The following GRIP1 variants were observed in gnomAD, a reference collection of about 807,000 sequenced individuals.
GRIP1 encodes the protein glutamate receptor interacting protein 1, also known as glutamate receptor-interacting protein 1.
A neutral mutation model predicts 129.9 loss-of-function variants in GRIP1; 45 were observed. The observed-to-expected ratio is 0.35, with a 90% CI of 0.27 to 0.44. The LOEUF (loss-of-function observed/expected upper bound fraction) is 0.44, where lower values mean the gene tolerates loss of function less well. Ranked by LOEUF, GRIP1 falls within the 20% of genes least tolerant of loss-of-function variation. The probability of loss-of-function intolerance (pLI) is 1.00; values close to 1 mark genes in which losing one functional copy is unlikely to be tolerated. For missense variants in GRIP1, 1,196 were observed against 1,396.8 expected, an observed-to-expected ratio of 0.86 and a Z score of 2.29; for synonymous variants, 530 against 520.8, an observed-to-expected ratio of 1.02 and a Z score of -0.24.
At chr12:66,689,998 A>C (rs2034923137) in intron 1 of GRIP1, among the ~76,000 whole-genome samples, 1 of 151,938 alleles carries the variant, frequency 6.6e-6, no homozygotes, top group Admixed American at 6.6e-5. Flanking sequence ...GGCTTGCTGT[A>C]GCTTCAGCCT....
At chr12:66,464,905 T>C (rs2059239370) in intron 8 of GRIP1, among the ~76,000 whole-genome samples, 1 of 151,772 alleles carries the variant, frequency 6.6e-6, no homozygotes, top group Non-Finnish European at 1.5e-5. Context: ...ATATTTAAAA[T>C]TGCACACATG....
chr12:66,604,181 G>A (rs547562228), intron 1 of GRIP1, among the ~76,000 whole-genome samples: 9 of 152,226 alleles, frequency 5.9e-5, no homozygotes, highest in African/African-American at 1.4e-4. Context: ...CGATGGCCCC[G>A]GAGCATCTGG....
intron 1 of GRIP1, among the ~76,000 whole-genome samples, chr12:66,993,445 G>A (rs1483872087): frequency 2.0e-5 from 3 of 151,218 alleles, no homozygotes; most frequent in African/African-American, 4.9e-5. Flanking sequence ...CAAAATTTAC[G>A]AACTTTAGGC....
At chr12:66,509,648 G>A (rs1458053614) in intron 7 of GRIP1, among the ~76,000 whole-genome samples, 1 of 152,118 alleles carries the variant, frequency 6.6e-6, no homozygotes, top group Non-Finnish European at 1.5e-5. Flanking sequence ...TCCTTTGCAG[G>A]AACATGGATG....
intron 1 of GRIP1, among the ~76,000 whole-genome samples, chr12:67,018,343 T>C (rs772501500): frequency 5.3e-5 from 8 of 152,180 alleles, no homozygotes; most frequent in Non-Finnish European, 7.4e-5. Context: ...CCCTTGTGTC[T>C]GCGACTCCCA....
At chr12:66,803,071 A>T (rs1242951263) in intron 1 of GRIP1, among the ~76,000 whole-genome samples, 1 of 152,224 alleles carries the variant, frequency 6.6e-6, no homozygotes, top group Non-Finnish European at 1.5e-5. Context: ...AGGAATTCTC[A>T]TGGCTTTCAA....
intron 4 of GRIP1, among the ~76,000 whole-genome samples, chr12:66,535,884 CCAAAT>C (rs2061590709): frequency 6.6e-6 from 1 of 152,160 alleles, no homozygotes; most frequent in South Asian, 2.1e-4. Context: ...CTCTCAAACT[CCAAAT>C]CATATCTTCA....
chr12:66,537,458 A>G (rs1185504501), intron 4 of GRIP1, among the ~76,000 whole-genome samples: 1 of 151,850 alleles, frequency 6.6e-6, no homozygotes, highest in Non-Finnish European at 1.5e-5. Context: ...TATAATTACT[A>G]TTATTACTAC....
At chr12:66,356,476 T>C (rs1243229270) in intron 23 of GRIP1, among the ~76,000 whole-genome samples, 2 of 152,212 alleles carry the variant, frequency 1.3e-5, no homozygotes, top group Non-Finnish European at 2.9e-5. Flanking sequence ...GTTTTTGCCT[T>C]AGGCCAGATA....
intron 3 of GRIP1, among the ~76,000 whole-genome samples, chr12:66,541,170 A>C (rs568331376): frequency 6.6e-6 from 1 of 152,114 alleles, no homozygotes; most frequent in East Asian, 1.9e-4. Context: ...GCAGATTTAG[A>C]ATGTATCTCA....
intron 1 of GRIP1, among the ~76,000 whole-genome samples, chr12:67,016,351 T>C (rs1363638111): frequency 6.6e-6 from 1 of 152,264 alleles, no homozygotes; most frequent in South Asian, 2.1e-4. Context: ...AACAGATAAT[T>C]CTGAAATAAT....
chr12:66,558,305 G>A (rs775766589), intron 2 of GRIP1, among the ~76,000 whole-genome samples: 1 of 152,130 alleles, frequency 6.6e-6, no homozygotes. Context: ...CTCTTACATG[G>A]TGGCAGGCAA....
chr12:67,058,753 A>G (rs2043480230), intron 1 of GRIP1, among the ~76,000 whole-genome samples: 1 of 152,218 alleles, frequency 6.6e-6, no homozygotes, highest in Non-Finnish European at 1.5e-5. Flanking sequence ...TGTTCAAAAC[A>G]TAAGAAGAGT....
intron 7 of GRIP1, among the ~76,000 whole-genome samples, chr12:66,482,385 A>C (rs148780010): frequency 0.014 from 2,068 of 152,312 alleles, 54 homozygotes; most frequent in African/African-American, 0.047. Flanking sequence ...ATTTGACTTT[A>C]TTTTAATGAG....
chr12:66,537,270 CT>C (rs1283233184), intron 4 of GRIP1, among the ~76,000 whole-genome samples: 3 of 152,130 alleles, frequency 2.0e-5, no homozygotes, highest in African/African-American at 7.2e-5. Flanking sequence ...AAGTAACTTT[CT>C]CAAAGGCATG....
intron 19 of GRIP1, among the ~76,000 whole-genome samples, chr12:66,381,183 T>C (rs377517540): frequency 6.6e-6 from 1 of 152,312 alleles, no homozygotes; most frequent in South Asian, 2.1e-4. Flanking sequence ...AAGAACCTTC[T>C]ATTTTAGGAC....
At chr12:66,917,204 T>C (rs1388997447) in intron 1 of GRIP1, among the ~76,000 whole-genome samples, 1 of 152,242 alleles carries the variant, frequency 6.6e-6, no homozygotes, top group East Asian at 1.9e-4. Flanking sequence ...AACCTTTCTA[T>C]ACTTTTATCA....
chr12:66,605,571 C>A (rs550649659), intron 1 of GRIP1, among the ~76,000 whole-genome samples: 1 of 152,074 alleles, frequency 6.6e-6, no homozygotes, highest in Non-Finnish European at 1.5e-5. Flanking sequence ...ATCTGTGGGG[C>A]GGAGCATTCC....
intron 1 of GRIP1, among the ~76,000 whole-genome samples, chr12:66,691,241 G>A (rs1340919555): frequency 6.6e-6 from 1 of 152,146 alleles, no homozygotes; most frequent in African/African-American, 2.4e-5. Flanking sequence ...TTTAAGGAAT[G>A]TGCCTTCAGT....
Sources: gnomAD v4.1 joint callset for allele counts (sites outside exome capture counted in the v4.1 genomes callset) on GRCh38, gnomAD v4.1.1 for gene constraint, MANE v1.5 for transcripts, NCBI Gene and HGNC (gene_info 2026-07-23, HGNC 2026-07-21) for gene names.